PITPNM3: variants seen among roughly 807,000 people sequenced by gnomAD.
PITPNM3 encodes membrane-associated phosphatidylinositol transfer protein 3.
Under a neutral mutation model 102.0 loss-of-function variants are expected in PITPNM3, and 26 were observed. That is an observed-to-expected ratio of 0.25 (90% CI 0.19 to 0.35). The LOEUF is 0.35. PITPNM3 is among the 10% of genes least tolerant of loss of function. The probability of loss-of-function intolerance (pLI) is 1.00; values close to 1 mark genes in which losing one functional copy is unlikely to be tolerated. For missense variants in PITPNM3, 1,083 were observed against 1,346.1 expected (o/e 0.80, Z 3.06); for synonymous variants, 578 against 558.6 (o/e 1.03, Z -0.49).
intron 1 of PITPNM3, among the ~76,000 whole-genome samples, chr17:6,542,335 C>T (rs779756223): frequency 5.9e-5 from 9 of 152,196 alleles, no homozygotes; most frequent in Non-Finnish European, 1.2e-4. Context: ...GTCTGCTTGG[C>T]TGTTGTGTGT....
At chr17:6,514,337 C>T (rs1048276614) in intron 3 of PITPNM3, among the ~76,000 whole-genome samples, 16 of 148,062 alleles carry the variant, frequency 1.1e-4, no homozygotes, top group African/African-American at 3.7e-4. Context: ...AGACAACCCA[C>T]AAAATGGGAG....
At chr17:6,504,471 T>C (rs1907369449) in intron 3 of PITPNM3, among the ~76,000 whole-genome samples, 1 of 152,198 alleles carries the variant, frequency 6.6e-6, no homozygotes, top group African/African-American at 2.4e-5. Context: ...CAGGGCCATC[T>C]TCATGGCCCA....
chr17:6,485,068 G>C (rs1489347847), intron 4 of PITPNM3, among the ~76,000 whole-genome samples: 3 of 152,028 alleles, frequency 2.0e-5, no homozygotes, highest in African/African-American at 7.3e-5. Flanking sequence ...CCGACTTCCA[G>C]ACAGCAGGTC....
At chr17:6,513,102 C>A (rs1907966793) in intron 3 of PITPNM3, among the ~76,000 whole-genome samples, 1 of 150,990 alleles carries the variant, frequency 6.6e-6, no homozygotes, top group Non-Finnish European at 1.5e-5. Context: ...AAATCCAACA[C>A]CCTTTTATGG....
rs1324070392 is a variant in PITPNM3, at chr17:6,459,455, C to CCCGTCTCATGGCTCCACTGAT, written c.2491-1754_2491-1734dup. Among the ~76,000 whole-genome samples the CCCGTCTCATGGCTCCACTGAT allele has an allele frequency of 5.0e-4, 76 of 152,166 alleles. No individual in the cohort carries two copies. The highest frequency in any genetic ancestry group is 1.8e-3 in the African/African-American group (74 of 41,494). ...CACAGCCTCTTCTAACGCCTCATCT[C>CCCGTCTCATGGCTCCACTGAT]CCGTCTCATGGCTCCACTGATCCGT... On this transcript the variant is annotated intron_variant, in intron 18 of 19. Coordinates refer to ENST00000262483, the MANE Select transcript of PITPNM3 (RefSeq NM_031220.4). This position sits in a 1 kb window ranked among gnomAD's most constrained non-coding sequence, Gnocchi z 5.0.
chr17:6,555,204 C>A (rs1910536111), intron 1 of PITPNM3, among the ~76,000 whole-genome samples: 1 of 152,196 alleles, frequency 6.6e-6, no homozygotes, highest in Admixed American at 6.5e-5. Flanking sequence ...GTGCCTCACA[C>A]AACCGGCCCC....
rs1456952162 is a variant in PITPNM3, at chr17:6,470,167, A to C, written c.1773+93T>G. 1 of 1,397,022 alleles carries C rather than the reference A, an allele frequency of 7.2e-7. No homozygotes were observed. Among genetic ancestry groups the C allele is most frequent in the South Asian group, 1.2e-5 (1 of 81,050 alleles). The allele number at this position is 1,397,022 out of a possible 1,614,324, so 86.5% of individuals were successfully genotyped here. Reference sequence around the variant, plus strand: ...TTAGGATCAAGGCCAAAAGCTGAACAGTGTCTGCAAGAATAGCCTCCTCTC... The same window carrying C: ...TTAGGATCAAGGCCAAAAGCTGAACCGTGTCTGCAAGAATAGCCTCCTCTC... On this transcript the variant is annotated intron_variant, in intron 13 of 19. Coordinates refer to ENST00000262483, the MANE Select transcript of PITPNM3 (RefSeq NM_031220.4). This position sits in a 1 kb window ranked among gnomAD's most constrained non-coding sequence, Gnocchi z 4.8.
chr17:6,535,128 C>T (rs1029203559), intron 2 of PITPNM3, among the ~76,000 whole-genome samples: 2 of 152,074 alleles, frequency 1.3e-5, no homozygotes, highest in African/African-American at 4.8e-5. Flanking sequence ...CCCACCACAA[C>T]TAGAGTTGGA....
Position 6,503,564 on chromosome 17 carries a change from G to A in PITPNM3, c.237C>T (p.Thr79=), listed in dbSNP as rs770068562. Residue 79 remains threonine, a synonymous_variant, in exon 4 of 20, where the codon ACC becomes ACT. Coordinates refer to ENST00000262483, the MANE Select transcript of PITPNM3 (RefSeq NM_031220.4). The stretch of plus-strand genomic sequence containing the variant: ...GGAGGATGCTGGATGTGCACGGCGC[G>A]GTCCCTTCTCCTGCAGAAAAAGAAA... The part of the protein sequence containing the change: ...GKLDEHQGEG[T]APCTSSILQE... 35 of 1,610,726 alleles carry A rather than the reference G, an allele frequency of 2.2e-5. No individual in the cohort carries two copies. Among genetic ancestry groups the A allele is most frequent in the Middle Eastern group, 3.3e-4 (2 of 6,010 alleles).
At position 6,455,330 on chromosome 17, in the gene PITPNM3, C is replaced by T. The variant is rs377599110; in HGVS notation, c.*8G>A. 3 of 1,568,622 alleles carry T rather than the reference C, an allele frequency of 1.9e-6. No individual in the cohort carries two copies. Among genetic ancestry groups the T allele is most frequent in the Non-Finnish European group, 2.6e-6 (3 of 1,159,408 alleles). ...CCCCCGCTCCCTGCTCTGAGCACAG[C>T]CCACCCCTCAGGGCACCGACTCGAA... On this transcript the variant is annotated 3_prime_UTR_variant, in exon 20 of 20. Coordinates refer to ENST00000262483, the MANE Select transcript of PITPNM3 (RefSeq NM_031220.4).
intron 2 of PITPNM3, among the ~76,000 whole-genome samples, chr17:6,529,718 G>A (rs1909037645): frequency 6.6e-6 from 1 of 152,188 alleles, no homozygotes; most frequent in Admixed American, 6.5e-5. Context: ...CCCACAACAT[G>A]GATTTCTCCA....
At position 6,538,159 on chromosome 17, in the gene PITPNM3, G is replaced by A. The variant is rs903596021; in HGVS notation, c.23-77C>T. 3 of 1,066,398 alleles carry A rather than the reference G, an allele frequency of 2.8e-6. No homozygotes were observed. In the African/African-American group the frequency reaches 4.7e-5, roughly 17 times the overall value. The allele number at this position is 1,066,398 out of a possible 1,614,324, so 66.1% of individuals were successfully genotyped here. ...GAGGGAGGTGACCCAAGACCCCCCT[G>A]GACTAAAGGCCAGTTAGCATCCTGC... On this transcript the variant is annotated intron_variant, in intron 1 of 19. Transcript: ENST00000262483.
chr17:6,473,359 G>A (rs914703629), intron 10 of PITPNM3: 5 of 208,708 alleles, frequency 2.4e-5, no homozygotes, highest in Non-Finnish European at 2.9e-5. Context: ...CCACCTCATC[G>A]GCGGGCCTCC....
chr17:6,527,658 G>A (rs536934333), intron 2 of PITPNM3, among the ~76,000 whole-genome samples: 1 of 152,164 alleles, frequency 6.6e-6, no homozygotes, highest in Non-Finnish European at 1.5e-5. Context: ...ACTCAAGCAT[G>A]GAGCTATCCA....
At chr17:6,552,475 A>G (rs554569161) in intron 1 of PITPNM3, among the ~76,000 whole-genome samples, 3 of 152,148 alleles carry the variant, frequency 2.0e-5, no homozygotes, top group African/African-American at 7.2e-5. Context: ...GCCTCTCTCC[A>G]GCTTCCCAGG....
In PITPNM3 at chr17:6,545,910, G is replaced by T. The variant is rs550927990; in HGVS notation, c.23-7828C>A. ...AGGCTCCTATCCTGTGCCAGGTCAG[G>T]GCTGGGCACACAGAAGGCTCTTGTC... On this transcript the variant is annotated intron_variant, in intron 1 of 19. Coordinates refer to ENST00000262483, the MANE Select transcript of PITPNM3 (RefSeq NM_031220.4). Among the ~76,000 whole-genome samples, 12 of 152,322 alleles carry T rather than the reference G, an allele frequency of 7.9e-5. No homozygotes were observed. The East Asian group carries it at 2.3e-3, about 29-fold the overall frequency.
In PITPNM3 at chr17:6,471,360, A is replaced by T. The variant is rs1028554103; in HGVS notation, c.1430-5T>A. The T allele has an allele frequency of 6.3e-6, 10 of 1,580,966 alleles. No individual in the cohort carries two copies. Among genetic ancestry groups the T allele is most frequent in the Non-Finnish European group, 8.6e-6 (10 of 1,165,520 alleles). ...TGTGGGTGTGTAGGGCATCAGCTGGAGGGGGAATTTCAAGGTCAGGCTGAG... is the reference window on the plus strand; with the variant it reads ...TGTGGGTGTGTAGGGCATCAGCTGGTGGGGGAATTTCAAGGTCAGGCTGAG... On this transcript the variant is annotated splice_region_variant and splice_polypyrimidine_tract_variant and intron_variant, in intron 11 of 19. Transcript: ENST00000262483.
At position 6,468,318 on chromosome 17, in the gene PITPNM3, G is replaced by A. The variant is rs764282446; in HGVS notation, c.1797C>T (p.Asn599=). ...GGTCCAGGCGGGCGCTTTCCTTGATGTTCACGCTCTCATAGCGCATTACCT... is the reference window on the plus strand; with the variant it reads ...GGTCCAGGCGGGCGCTTTCCTTGATATTCACGCTCTCATAGCGCATTACCT... ...LRQVMRYESV[N]IKESARLDPA... The change falls in exon 14 of 20, where the codon AAC becomes AAT. Residue 599 remains asparagine, a synonymous_variant. Coordinates refer to ENST00000262483, the MANE Select transcript of PITPNM3 (RefSeq NM_031220.4). This position sits in a 1 kb window ranked among gnomAD's most constrained non-coding sequence, Gnocchi z 5.2. 3 of 1,614,102 alleles carry A rather than the reference G, an allele frequency of 1.9e-6. No homozygotes were observed. In the South Asian group the frequency reaches 3.3e-5, roughly 18 times the overall value.
chr17:6,484,366 G>A, intron 4 of PITPNM3, 74 bp from the exon 5 acceptor site: 1 of 1,447,560 alleles, frequency 6.9e-7, no homozygotes, highest in Non-Finnish European at 9.7e-7. Context: ...GGGCCCAGCT[G>A]GCCCTAAAGG....
Sources: allele counts gnomAD v4.1 joint callset (sites outside exome capture counted in the v4.1 genomes callset), GRCh38; gene constraint gnomAD v4.1.1; non-coding constraint Gnocchi (gnomAD v3.1); transcripts MANE v1.5; gene names NCBI Gene and HGNC (gene_info 2026-07-23, HGNC 2026-07-21).